NFATC3: variants seen among roughly 807,000 people sequenced by gnomAD.
The protein encoded by NFATC3 is nuclear factor of activated T-cells, cytoplasmic 3.
In NFATC3, 46 loss-of-function variants were observed where a neutral mutation model predicts 98.6. The ratio of observed to expected loss-of-function variants is 0.47; its 90% CI spans 0.37 to 0.60. The LOEUF is 0.60. Among genes scored for constraint, NFATC3 ranks in the 20% least tolerant of loss-of-function variants. NFATC3 has a pLI of 0.00. For synonymous variants in NFATC3, 512 were observed against 472.2 expected (o/e 1.08, Z -1.09); for missense variants, 1,256 against 1,295.5 (o/e 0.97, Z 0.47).
At chr16:68,196,298 T>C (rs890784178) in intron 9 of NFATC3, among the ~76,000 whole-genome samples, 7 of 152,156 alleles carry the variant, frequency 4.6e-5, no homozygotes, top group Middle Eastern at 6.8e-3. Context: ...TTTTGTATTT[T>C]TTAGTAGAGA....
chr16:68,089,236 C>T, intron 1 of NFATC3: 1 of 985,358 alleles, frequency 1.0e-6, no homozygotes, highest in South Asian at 4.7e-5. Context: ...AAGCCAAGGG[C>T]TGAATTTAGT....
rs182449195 is a variant in NFATC3 at position 68,124,334 on chromosome 16, C to G, written c.1238+1213C>G. ...CTTGCTTTGTTGCTTAGGCTGATCT[C>G]ACTCCTGGCCTCAAGTGATCCTCCT... On this transcript the variant is annotated intron_variant, in intron 2 of 9. Coordinates refer to ENST00000346183, the MANE Select transcript of NFATC3 (RefSeq NM_173165.3). 4.0e-3 allele frequency among the ~76,000 whole-genome samples: 607 copies of G among 151,982 alleles called. 6 individuals carry two copies. The highest frequency in any genetic ancestry group is 0.014 in the African/African-American group (580 of 41,452).
At chr16:68,178,362 C>T (rs1196561081) in intron 6 of NFATC3, among the ~76,000 whole-genome samples, 1 of 152,124 alleles carries the variant, frequency 6.6e-6, no homozygotes, top group Non-Finnish European at 1.5e-5. Context: ...AATTAACTTC[C>T]CTTCAACCCT....
chr16:68,224,352 C>G (rs937832390), intron 9 of NFATC3, among the ~76,000 whole-genome samples: 3 of 149,776 alleles, frequency 2.0e-5, no homozygotes, highest in Non-Finnish European at 4.4e-5. Flanking sequence ...TCTTGGCTCA[C>G]TGCAACCTCC....
intron 3 of NFATC3, among the ~76,000 whole-genome samples, chr16:68,139,977 G>A (rs1006523962): frequency 3.3e-5 from 5 of 151,998 alleles, no homozygotes; most frequent in Non-Finnish European, 7.4e-5. Flanking sequence ...GAAAGAAGAG[G>A]GATTTTTATT....
Position 68,122,418 on chromosome 16 carries a change from G to C in NFATC3, c.535G>C (p.Ala179Pro). ...CTCTTCTAGGAGTTGGTTCTCTGAT[G>C]CATCTTCTTGTGAATCGCTTTCACA... ...SISSRSWFSD[A>P]SSCESLSHIY... is the part of the protein sequence containing the mutation. Residue 179 changes from alanine (A) to proline (P), a missense_variant, in exon 2 of 10, where the codon GCA (alanine) becomes CCA (proline). Physicochemically the swap from Ala to Pro is conservative, Grantham distance 27. Around this residue, in one of 3 missense-constraint regions of NFATC3, gnomAD observed 464 missense variants for 465.7 expected, o/e 1.00. Coordinates refer to ENST00000346183, the MANE Select transcript of NFATC3 (RefSeq NM_173165.3). 6.2e-7 allele frequency: 1 copy of C among 1,614,118 alleles called. No individual in the cohort carries two copies. The highest frequency in any genetic ancestry group is 8.5e-7 in the Non-Finnish European group (1 of 1,180,026).
chr16:68,115,545 C>T (rs1025411706), intron 1 of NFATC3, among the ~76,000 whole-genome samples: 4 of 152,146 alleles, frequency 2.6e-5, no homozygotes, highest in African/African-American at 9.7e-5. Context: ...CTGCCCCAGC[C>T]TCCCAAGTAG....
At position 68,191,111 on chromosome 16, in the gene NFATC3, A is replaced by G. The variant is rs371074868; in HGVS notation, c.2442A>G (p.Pro814=). The G allele has an allele frequency of 2.0e-5, 33 of 1,614,200 alleles. No homozygotes were observed. The African/African-American group carries it at 4.4e-4, about 22-fold the overall frequency. Residue 814 remains proline, a synonymous_variant, in exon 9 of 10, where the codon CCA becomes CCG. Coordinates refer to ENST00000346183, the MANE Select transcript of NFATC3 (RefSeq NM_173165.3). ...AAACTAATGTTGTGTACAATGGACCAACTTGTCTTCCTATTAATGCTGCCT... is the reference window on the plus strand; with the variant it reads ...AAACTAATGTTGTGTACAATGGACCGACTTGTCTTCCTATTAATGCTGCCT... The part of the protein sequence containing the change: ...PMQTNVVYNG[P]TCLPINAASS...
At chr16:68,106,923 C>T (rs1225341513) in intron 1 of NFATC3, among the ~76,000 whole-genome samples, 2 of 152,016 alleles carry the variant, frequency 1.3e-5, no homozygotes, top group Non-Finnish European at 2.9e-5. Context: ...GTGACCCCCA[C>T]CCCCAGACAG....
chr16:68,167,189 C>T (rs980747863), intron 5 of NFATC3, among the ~76,000 whole-genome samples, 174 bp downstream of exon 5: 1 of 152,160 alleles, frequency 6.6e-6, no homozygotes, highest in African/African-American at 2.4e-5. Context: ...GAGTACTGAT[C>T]TTGGAATTAG....
At chr16:68,164,661 C>T (rs887441492) in intron 4 of NFATC3, among the ~76,000 whole-genome samples, 4 of 152,002 alleles carry the variant, frequency 2.6e-5, no homozygotes, top group African/African-American at 4.8e-5. Flanking sequence ...GGGCGGATCA[C>T]GAGATCAGGA....
chr16:68,198,428 C>T (rs2040762645), intron 9 of NFATC3, among the ~76,000 whole-genome samples: 1 of 152,138 alleles, frequency 6.6e-6, no homozygotes. Context: ...GGATAAGACA[C>T]TTGAATTATG....
intron 7 of NFATC3, among the ~76,000 whole-genome samples, chr16:68,181,771 C>CA (rs2039957920): frequency 2.0e-5 from 3 of 152,030 alleles, no homozygotes; most frequent in African/African-American, 7.2e-5. Context: ...CTCTAAAATA[C>CA]AAAAAATTAG....
chr16:68,205,497 G>A (rs1250406090), intron 9 of NFATC3, among the ~76,000 whole-genome samples: 1 of 152,044 alleles, frequency 6.6e-6, no homozygotes, highest in African/African-American at 2.4e-5. Context: ...AGGATTACAG[G>A]CGTGAGCCAC....
chr16:68,165,008 TA>T (rs1217043779), intron 4 of NFATC3, among the ~76,000 whole-genome samples: 3 of 152,264 alleles, frequency 2.0e-5, no homozygotes, highest in African/African-American at 7.2e-5. Flanking sequence ...TTTTTGCATT[TA>T]AGAGTTTTCA....
intron 6 of NFATC3, among the ~76,000 whole-genome samples, chr16:68,178,485 G>A (rs1012214185): frequency 6.6e-6 from 1 of 152,144 alleles, no homozygotes; most frequent in African/African-American, 2.4e-5. Context: ...TAGGCATTGG[G>A]GACATAATGT....
chr16:68,202,063 C>T (rs188223076), intron 9 of NFATC3, among the ~76,000 whole-genome samples: 1 of 151,398 alleles, frequency 6.6e-6, no homozygotes, highest in East Asian at 1.9e-4. Flanking sequence ...TTAACCGAAT[C>T]CTGTTACAAC....
Position 68,168,950 on chromosome 16 carries a change from A to G in NFATC3, c.1774+1935A>G, listed in dbSNP as rs367805316. Among the ~76,000 whole-genome samples, 8 of 152,320 alleles carry G rather than the reference A, an allele frequency of 5.3e-5. No homozygotes were observed. The East Asian group carries it at 1.3e-3, about 26-fold the overall frequency. On this transcript the variant is annotated intron_variant, in intron 5 of 9. Transcript: ENST00000346183. ...ACTAATTTTTGTATTTTTAAAATTT[A>G]AAAAATATATTCTTTGTATAGATAG...
chr16:68,205,205 A>C (rs940847050), intron 9 of NFATC3, among the ~76,000 whole-genome samples: 6 of 152,070 alleles, frequency 3.9e-5, no homozygotes, highest in African/African-American at 1.4e-4. Context: ...TCTATAGATG[A>C]TTTTATGTAG....
Sources: allele counts gnomAD v4.1 joint callset (sites outside exome capture counted in the v4.1 genomes callset), GRCh38; gene constraint gnomAD v4.1.1; regional missense constraint gnomAD v4.1.1; transcripts MANE v1.5; gene names NCBI Gene and HGNC (gene_info 2026-07-23, HGNC 2026-07-21).